SLC30A10: variants seen among roughly 807,000 people sequenced by gnomAD.
SLC30A10 encodes the protein solute carrier family 30 member 10.
A neutral mutation model predicts 21.7 loss-of-function variants in SLC30A10; 8 were observed. The ratio of observed to expected loss-of-function variants is 0.37; its 90% CI spans 0.22 to 0.67. The LOEUF (loss-of-function observed/expected upper bound fraction) is 0.67. SLC30A10 is among the 30% of genes least tolerant of loss of function. The pLI is 0.58. For missense variants in SLC30A10, 521 were observed against 642.5 expected, an observed-to-expected ratio of 0.81 and a Z score of 2.04; for synonymous variants, 272 against 279.4, an observed-to-expected ratio of 0.97 and a Z score of 0.26.
chr1:219,925,653 T>TATA (rs1558253395), intron 2 of SLC30A10, among the ~76,000 whole-genome samples: 39 of 46,256 alleles, frequency 8.4e-4, no homozygotes, highest in Non-Finnish European at 1.2e-3. Context: ...ATATATATAT[T>TATA]TTTTTTTTTT....
chr1:219,959,082 G>A (rs993298257), upstream of SLC30A10, among the ~76,000 whole-genome samples: 3 of 152,210 alleles, frequency 2.0e-5, no homozygotes, highest in Non-Finnish European at 4.4e-5. Context: ...TAGGGAAGCA[G>A]CTATAGATTC....
At chr1:219,947,013 C>G (rs1219350642) in intron 1 of SLC30A10, among the ~76,000 whole-genome samples, 1 of 152,104 alleles carries the variant, frequency 6.6e-6, no homozygotes, top group Non-Finnish European at 1.5e-5. Context: ...CCTTCATGAC[C>G]TTAAGAGAGT....
chr1:219,946,524 G>T (rs1660188085), intron 1 of SLC30A10, among the ~76,000 whole-genome samples: 1 of 152,128 alleles, frequency 6.6e-6, no homozygotes, highest in Admixed American at 6.6e-5. Flanking sequence ...TCCATGAGAC[G>T]ACCACCAGTG....
chr1:219,957,088 C>T (rs1660363962), intron 1 of SLC30A10, among the ~76,000 whole-genome samples: 1 of 152,074 alleles, frequency 6.6e-6, no homozygotes, highest in African/African-American at 2.4e-5. Context: ...TCTGGAAGCT[C>T]TAGTAGTAAT....
In SLC30A10 at chr1:219,942,572, C is replaced by A. The variant is rs115567592; in HGVS notation, n.81-15467G>T. ...TTCATGTGGTAATGCAGTCTAAAGT[C>A]ATGCTACGTATGTAATAATAATAAC... is the stretch of plus-strand genomic sequence containing the variant. On this transcript the variant is annotated intron_variant and non_coding_transcript_variant, in intron 1 of 8. Transcript: ENST00000484239. 7.3e-3 allele frequency among the ~76,000 whole-genome samples: 1,114 copies of A among 152,304 alleles called. 8 individuals are homozygous for A. Among genetic ancestry groups the A allele is most frequent in the African/African-American group, 0.025 (1,040 of 41,556 alleles).
intron 1 of SLC30A10, among the ~76,000 whole-genome samples, 163 bp downstream of exon 1, chr1:219,927,638 T>TAAAAAAAAAAA (rs77015523): frequency 7.5e-5 from 4 of 53,404 alleles, no homozygotes; most frequent in Non-Finnish European, 1.1e-4. Context: ...ATGGATTTAT[T>TAAAAAAAAAAA]AAAAAAAAAA....
At chr1:219,925,653 T>TATATATATATATATA (rs1558253395) in intron 2 of SLC30A10, among the ~76,000 whole-genome samples, 211 of 45,806 alleles carry the variant, frequency 4.6e-3, no homozygotes, top group South Asian at 6.2e-3. Context: ...ATATATATAT[T>TATATATATATATATA]TTTTTTTTTT....
At chr1:219,958,699 T>TG (rs1660383417), upstream of SLC30A10, 2 of 152,648 alleles carry the variant, frequency 1.3e-5, no homozygotes, top group African/African-American at 4.8e-5. Context: ...CTCTGTCTTC[T>TG]GGGGATTGAT....
upstream of SLC30A10, among the ~76,000 whole-genome samples, chr1:219,932,526 C>T (rs1659982980): frequency 6.6e-6 from 1 of 151,876 alleles, no homozygotes; most frequent in Admixed American, 6.6e-5. Flanking sequence ...GACATCTTTC[C>T]AAAGCACCAA....
At chr1:219,949,936 A>G (rs1211223034) in intron 1 of SLC30A10, among the ~76,000 whole-genome samples, 3 of 152,178 alleles carry the variant, frequency 2.0e-5, no homozygotes, top group Non-Finnish European at 4.4e-5. Flanking sequence ...CAGCTAGCCA[A>G]TAAGAAAACC....
intron 3 of SLC30A10, among the ~76,000 whole-genome samples, chr1:219,917,052 C>A (rs1377830294): frequency 2.0e-5 from 3 of 150,632 alleles, no homozygotes; most frequent in African/African-American, 7.3e-5. Flanking sequence ...CTCTCTACAG[C>A]CTCAAACTCC....
upstream of SLC30A10, among the ~76,000 whole-genome samples, chr1:219,929,295 AC>A (rs1360232926): frequency 6.6e-6 from 1 of 152,006 alleles, no homozygotes; most frequent in Admixed American, 6.6e-5. Flanking sequence ...AGGAGAGCAG[AC>A]CCCACTTCTG....
chr1:219,954,026 A>G (rs1276959644), intron 1 of SLC30A10, among the ~76,000 whole-genome samples: 1 of 151,980 alleles, frequency 6.6e-6, no homozygotes, highest in Non-Finnish European at 1.5e-5. Flanking sequence ...TTTACTCCAT[A>G]GTATTTGCTA....
chr1:219,928,417 C>A lies in SLC30A10; in HGVS notation c.24G>T (p.Thr8=), dbSNP rs752376763. MGRYSGK[T]CRLLFMLVLT... is the part of the protein sequence containing the mutation. ...GCACCAGCATGAAGAGCAGCCGGCA[C>A]GTCTTGCCAGAGTAGCGGCCCATCT... Residue 8 remains threonine, a synonymous_variant, in exon 1 of 4, where the codon ACG becomes ACT. Coordinates refer to ENST00000366926, the MANE Select transcript of SLC30A10 (RefSeq NM_018713.3). This position sits in a 1 kb window ranked among gnomAD's most constrained non-coding sequence, Gnocchi z 6.3. The A allele has an allele frequency of 4.3e-6, 7 of 1,612,338 alleles. No homozygotes were observed. The highest frequency in any genetic ancestry group is 3.3e-5 in the Admixed American group (2 of 59,944).
At position 219,915,777 on chromosome 1, in the gene SLC30A10, T is replaced by C. The variant is rs1305423202; in HGVS notation, c.1130A>G (p.Asn377Ser). 14 of 1,614,058 alleles carry C rather than the reference T, an allele frequency of 8.7e-6. No individual in the cohort carries two copies. The African/African-American group carries it at 1.1e-4, about 12-fold the overall frequency. The change falls in exon 4 of 4, where the codon AAT becomes AGT. Residue 377 changes from asparagine (N) to serine (S), a missense_variant. By Grantham distance (46) the Asn-to-Ser change is conservative. Transcript: ENST00000366926. The stretch of plus-strand genomic sequence containing the variant: ...CACATTTTCAAACTGGATGGTCACA[T>C]TGTGGATTCCCGCATGGTGGAAGAT... ...REIFHHAGIHNVTIQFENVDL... is the reference protein window; with the variant it reads ...REIFHHAGIHSVTIQFENVDL...
chr1:219,918,623 A>G lies in SLC30A10; in HGVS notation c.719-129T>C, dbSNP rs1659605275. 8.3e-7 allele frequency: 1 copy of G among 1,204,224 alleles called. No homozygotes were observed. Among genetic ancestry groups the G allele is most frequent in the Non-Finnish European group, 1.1e-6 (1 of 881,792 alleles). 74.6% of individuals were successfully genotyped at this position (1,204,224 alleles called of 1,614,324 possible). ...GTTTTTTGGTTTTTGTTTTGGTTAG[A>G]ACAGTAGGATGAATCAAAATAATGG... On this transcript the variant is annotated intron_variant, in intron 2 of 3. Coordinates refer to ENST00000366926, the MANE Select transcript of SLC30A10 (RefSeq NM_018713.3). The surrounding 1 kb of genome is among the most constrained non-coding windows in gnomAD (Gnocchi z 4.4).
intron 1 of SLC30A10, among the ~76,000 whole-genome samples, chr1:219,945,271 G>A (rs1660171932): frequency 6.6e-6 from 1 of 152,100 alleles, no homozygotes; most frequent in East Asian, 1.9e-4. Context: ...CTACACTTGT[G>A]ACAAAAATCT....
At chr1:219,935,696 T>C (rs1660036525) in intron 1 of SLC30A10, among the ~76,000 whole-genome samples, 1 of 152,240 alleles carries the variant, frequency 6.6e-6, no homozygotes, top group Non-Finnish European at 1.5e-5. Flanking sequence ...TCAACAAACA[T>C]TGGCTCCTTC....
In SLC30A10 at chr1:219,913,975, A is replaced by C. The variant is rs1440285111; in HGVS notation, c.*1474T>G. On this transcript the variant is annotated 3_prime_UTR_variant, in exon 4 of 4. Coordinates refer to ENST00000366926, the MANE Select transcript of SLC30A10 (RefSeq NM_018713.3). ...CGGATCATAGCTGCTTATTTATTTT[A>C]GCCTTCAAATTTAGGACTAAGATAC... 4 of 152,080 alleles carry C rather than the reference A, an allele frequency of 2.6e-5. No homozygotes were observed. In the East Asian group the frequency reaches 7.7e-4, roughly 29 times the overall value. The allele number at this position is 152,080 out of a possible 1,614,324, so 9.4% of individuals were successfully genotyped here. A position where few individuals can be genotyped will look rare whatever the true frequency, so the allele number is the denominator to read the frequency against.
Sources: allele counts gnomAD v4.1 joint callset (sites outside exome capture counted in the v4.1 genomes callset), GRCh38; gene constraint gnomAD v4.1.1; non-coding constraint Gnocchi (gnomAD v3.1); transcripts MANE v1.5; gene names NCBI Gene and HGNC (gene_info 2026-07-23, HGNC 2026-07-21).